ATL3: variants seen among roughly 807,000 people sequenced by gnomAD.
ATL3 encodes the protein atlastin-3.
A neutral mutation model predicts 69.5 loss-of-function variants in ATL3; 49 were observed. The ratio of observed to expected loss-of-function variants is 0.71; its 90% CI spans 0.56 to 0.89. ATL3 has a LOEUF of 0.89. Among genes scored for constraint, ATL3 ranks in the 40% least tolerant of loss-of-function variants. ATL3 has a pLI of 0.00. For missense variants in ATL3, 606 were observed against 645.7 expected, an observed-to-expected ratio of 0.94 and a Z score of 0.67; for synonymous variants, 214 against 224.1, an observed-to-expected ratio of 0.95 and a Z score of 0.40.
At chr11:63,657,857 C>CT (rs1174775895) in intron 3 of ATL3, among the ~76,000 whole-genome samples, 3,961 of 136,466 alleles carry the variant, frequency 0.029, 160 homozygotes, top group African/African-American at 0.092. Flanking sequence ...ATGCCATTGG[C>CT]TTTTTTTTTT....
chr11:63,632,820 TCAAAACAAAA>T (rs372664895), intron 11 of ATL3, 196 bp downstream of exon 11: 9 of 732,742 alleles, frequency 1.2e-5, no homozygotes, highest in South Asian at 3.7e-5. Flanking sequence ...TATTTGCTAT[TCAAAACAAAA>T]CAAAACAAAA....
chr11:63,647,284 C>T (rs1256037988), intron 5 of ATL3, among the ~76,000 whole-genome samples: 3 of 152,224 alleles, frequency 2.0e-5, no homozygotes, highest in Admixed American at 1.3e-4. Context: ...ACCTCCGCCT[C>T]CCGGGTTCAA....
At chr11:63,641,957 C>A (rs1045191157) in intron 8 of ATL3, among the ~76,000 whole-genome samples, 1 of 152,170 alleles carries the variant, frequency 6.6e-6, no homozygotes, top group Admixed American at 6.5e-5. Flanking sequence ...TCTCCTAACA[C>A]CTCCATTTAA....
intron 9 of ATL3, 43 bp from the exon 10 acceptor site, chr11:63,635,633 T>C: frequency 7.0e-7 from 1 of 1,431,808 alleles, no homozygotes; most frequent in African/African-American, 1.4e-5. Context: ...TGTTATTCAG[T>C]CATATCTTAC....
chr11:63,646,082 T>A (rs56105597), intron 6 of ATL3, among the ~76,000 whole-genome samples: 3,674 of 151,964 alleles, frequency 0.024, 76 homozygotes, highest in Non-Finnish European at 0.036. Context: ...TTAAGAGATG[T>A]CTTGCTATGT....
At chr11:63,641,196 G>C (rs1160507566) in intron 8 of ATL3, among the ~76,000 whole-genome samples, 1 of 152,008 alleles carries the variant, frequency 6.6e-6, no homozygotes, top group Admixed American at 6.6e-5. Flanking sequence ...ATCTTGATGA[G>C]GAAACCAAAT....
chr11:63,647,815 C>G (rs577037765), intron 5 of ATL3, among the ~76,000 whole-genome samples: 5 of 152,308 alleles, frequency 3.3e-5, no homozygotes, highest in African/African-American at 1.2e-4. Context: ...AAAGCCCTGT[C>G]AAAAACATTC....
chr11:63,665,413 A>G (rs1940546836), intron 1 of ATL3, among the ~76,000 whole-genome samples: 1 of 151,926 alleles, frequency 6.6e-6, no homozygotes, highest in Admixed American at 6.6e-5. Flanking sequence ...AGAGAAGCTG[A>G]AGACTACTGA....
At chr11:63,671,465 T>G, upstream of ATL3, 2 of 1,473,784 alleles carry the variant, frequency 1.4e-6, no homozygotes, top group Non-Finnish European at 1.8e-6. Flanking sequence ...AGCCAGAAGG[T>G]GGGGCACGCG....
At chr11:63,654,149 GTTTTT>G (rs1178233786) in intron 3 of ATL3, among the ~76,000 whole-genome samples, 1 of 138,510 alleles carries the variant, frequency 7.2e-6, no homozygotes. Flanking sequence ...GATACAATTT[GTTTTT>G]TTTTTTTTTT....
At chr11:63,639,154 T>G (rs1314022623) in intron 8 of ATL3, among the ~76,000 whole-genome samples, 1 of 152,172 alleles carries the variant, frequency 6.6e-6, no homozygotes, top group Non-Finnish European at 1.5e-5. Flanking sequence ...TACAATAAAC[T>G]GTGTGTGGTT....
Position 63,631,371 on chromosome 11 carries a change from T to A in ATL3, c.1208A>T (p.Lys403Met). The A allele has an allele frequency of 6.2e-7, 1 of 1,614,248 alleles. No individual in the cohort carries two copies. Among genetic ancestry groups the A allele is most frequent in the Non-Finnish European group, 8.5e-7 (1 of 1,180,048 alleles). The part of the protein sequence containing the change: ...LALDHFKKTK[K>M]MGGKDFSFRY... ...AAAGCTGAAATCCTTCCCACCCATC[T>A]TCTTGGTCTTCTTAAAATGGTCCAG... The change falls in exon 12 of 13, where the codon AAG becomes ATG. Residue 403 changes from lysine to methionine, a missense_variant. Transcript: ENST00000398868.
At chr11:63,653,542 A>T (rs1328706564) in intron 3 of ATL3, among the ~76,000 whole-genome samples, 1 of 152,196 alleles carries the variant, frequency 6.6e-6, no homozygotes, top group Non-Finnish European at 1.5e-5. Context: ...CCAACACATG[A>T]GTATTTATAG....
chr11:63,631,229 GC>G lies in ATL3; in HGVS notation c.1349del (p.Gly450AlafsTer3). The G allele has an allele frequency of 6.2e-7, 1 of 1,614,212 alleles. No individual in the cohort carries two copies. The highest frequency in any genetic ancestry group is 8.5e-7 in the Non-Finnish European group (1 of 1,180,032). On this transcript the variant is annotated frameshift_variant, in exon 12 of 13. Transcript: ENST00000398868. LOFTEE classifies it high-confidence loss of function. ...CTGAGGCTATGTACAAAGCTACAAT[GC>G]CCGTGAACAGCACTGCAGGGGTTCG... ...TFRTPAVLFT[G>X]IVALYIASGL...
chr11:63,653,541 G>C (rs989713532), intron 3 of ATL3, among the ~76,000 whole-genome samples: 1 of 151,922 alleles, frequency 6.6e-6, no homozygotes, highest in Non-Finnish European at 1.5e-5. Flanking sequence ...ACCAACACAT[G>C]AGTATTTATA....
At chr11:63,640,271 T>C (rs1416771350) in intron 8 of ATL3, among the ~76,000 whole-genome samples, 1 of 152,072 alleles carries the variant, frequency 6.6e-6, no homozygotes, top group Non-Finnish European at 1.5e-5. Flanking sequence ...TTTCTGCAGA[T>C]GTACCTTAAT....
intron 1 of ATL3, among the ~76,000 whole-genome samples, chr11:63,660,051 T>A (rs1940375122): frequency 7.0e-6 from 1 of 142,508 alleles, no homozygotes; most frequent in Non-Finnish European, 1.5e-5. Context: ...ATAAATAAAA[T>A]AAAATGTTGT....
In ATL3 at chr11:63,652,461, T is replaced by A; in HGVS notation, c.510+10A>T. The A allele has an allele frequency of 6.7e-7, 1 of 1,499,042 alleles. No individual in the cohort carries two copies. The highest frequency in any genetic ancestry group is 9.0e-7 in the Non-Finnish European group (1 of 1,113,978). The allele number at this position is 1,499,042 out of a possible 1,614,324, so 92.9% of individuals were successfully genotyped here. A position where few individuals can be genotyped will look rare whatever the true frequency, so the allele number is the denominator to read the frequency against. On this transcript the variant is annotated intron_variant, in intron 4 of 12. Coordinates refer to ENST00000398868, the MANE Select transcript of ATL3 (RefSeq NM_015459.5). ...TTTGCGAGCTTTTTTCTGAGTCAAGTGGTTTTTACCTGAACAGAACTAGTC... is the reference window on the plus strand; with the variant it reads ...TTTGCGAGCTTTTTTCTGAGTCAAGAGGTTTTTACCTGAACAGAACTAGTC...
intron 7 of ATL3, 114 bp from the exon 8 acceptor site, chr11:63,643,609 G>T: frequency 1.1e-6 from 1 of 924,904 alleles, no homozygotes; most frequent in Non-Finnish European, 1.6e-6. Flanking sequence ...GGATCATAGT[G>T]GCCAAATGAG....
Sources: allele counts gnomAD v4.1 joint callset (sites outside exome capture counted in the v4.1 genomes callset), GRCh38; gene constraint gnomAD v4.1.1; transcripts MANE v1.5; gene names NCBI Gene and HGNC (gene_info 2026-07-23, HGNC 2026-07-21).